EIF4G3: variants seen among roughly 807,000 people sequenced by gnomAD.
EIF4G3 encodes the protein eukaryotic translation initiation factor 4 gamma 3, also known as eIF-4-gamma 3.
A neutral mutation model predicts 186.4 loss-of-function variants in EIF4G3; 34 were observed. The ratio of observed to expected loss-of-function variants is 0.18; its 90% confidence interval spans 0.14 to 0.24. The LOEUF (loss-of-function observed/expected upper bound fraction) is 0.24. Ranked by LOEUF, EIF4G3 falls within the 10% of genes least tolerant of loss-of-function variation. The pLI is 1.00. For synonymous variants in EIF4G3, 673 were observed against 679.5 expected (o/e 0.99, Z 0.15); for missense variants, 1,536 against 1,948.5 (o/e 0.79, Z 3.99).
intron 2 of EIF4G3, among the ~76,000 whole-genome samples, chr1:21,135,820 G>GA (rs1282682830): frequency 6.6e-6 from 1 of 152,206 alleles, no homozygotes; most frequent in Non-Finnish European, 1.5e-5. Flanking sequence ...GTTATCAACA[G>GA]AAAGACTTCT....
chr1:20,840,609 T>G (rs935917), intron 30 of EIF4G3, among the ~76,000 whole-genome samples: 2 of 151,966 alleles, frequency 1.3e-5, no homozygotes, highest in African/African-American at 4.8e-5. Context: ...CTTACTTACA[T>G]CATGATAGAG....
intron 18 of EIF4G3, among the ~76,000 whole-genome samples, chr1:20,890,772 A>G (rs966110798): frequency 2.7e-5 from 4 of 148,732 alleles, no homozygotes; most frequent in Non-Finnish European, 6.1e-5. Flanking sequence ...GTTCCTTTAT[A>G]TGTTGATATT....
At chr1:20,926,029 A>G (rs2094861888) in intron 14 of EIF4G3, among the ~76,000 whole-genome samples, 1 of 152,222 alleles carries the variant, frequency 6.6e-6, no homozygotes, top group South Asian at 2.1e-4. Flanking sequence ...CTACCTGTTT[A>G]TCCAGCTGTA....
At chr1:20,981,499 TACGCAC>T (rs2077979551) in intron 8 of EIF4G3, among the ~76,000 whole-genome samples, 4 of 79,942 alleles carry the variant, frequency 5.0e-5, no homozygotes, top group Admixed American at 1.2e-4. Context: ...CATACATGTA[TACGCAC>T]ATACTGTATA....
At chr1:20,981,265 TAACACAGGGGAA>T in intron 8 of EIF4G3, 38 bp from the exon 9 acceptor site, 1 of 1,303,284 alleles carries the variant, frequency 7.7e-7, no homozygotes. Flanking sequence ...TTTTTTTTTT[TAACACAGGGGAA>T]TATATAAATT....
intron 20 of EIF4G3, among the ~76,000 whole-genome samples, chr1:20,877,431 C>T (rs1005884567): frequency 9.9e-5 from 15 of 152,170 alleles, no homozygotes; most frequent in Non-Finnish European, 7.4e-5. Context: ...TCAAGCTCAG[C>T]TTTTGGTTCA....
Position 20,942,194 on chromosome 1 carries a change from C to A in EIF4G3, c.960G>T (p.Leu320=), listed in dbSNP as rs1332903456. The part of the protein sequence containing the change: ...TAIVSIAELP[L]PPSPTTVSSV... The stretch of plus-strand genomic sequence containing the variant: ...AAGAAACAGTGGTAGGTGATGGAGG[C>A]AGAGGAAGCTCTGCTATGGATACTA... Residue 320 remains leucine (L), a synonymous_variant, in exon 14 of 37, where the codon CTG becomes CTT. Transcript: ENST00000602326. 1.2e-6 allele frequency: 2 copies of A among 1,614,162 alleles called. No homozygotes were observed. Among genetic ancestry groups the A allele is most frequent in the Non-Finnish European group, 8.5e-7 (1 of 1,180,022 alleles).
chr1:21,113,019 T>C (rs924395047), intron 2 of EIF4G3, among the ~76,000 whole-genome samples: 1 of 151,918 alleles, frequency 6.6e-6, no homozygotes, highest in Non-Finnish European at 1.5e-5. Flanking sequence ...AAGGGCTGAG[T>C]GCAGTGGCTC....
chr1:20,825,251 G>GAAAAAAAAAAAAAAAA (rs71585786), intron 32 of EIF4G3, 53 bp from the exon 33 acceptor site: 3 of 231,720 alleles, frequency 1.3e-5, no homozygotes, highest in Admixed American at 9.9e-5. Context: ...AGAAGAAACA[G>GAAAAAAAAAAAAAAAA]AAAAAAAAAA....
intron 28 of EIF4G3, among the ~76,000 whole-genome samples, chr1:20,849,960 T>G (rs1372704640): frequency 2.0e-5 from 3 of 151,890 alleles, no homozygotes; most frequent in Admixed American, 1.3e-4. Flanking sequence ...CTGTCTGGAG[T>G]GCTCTTTCCC....
intron 2 of EIF4G3, among the ~76,000 whole-genome samples, chr1:21,148,234 A>G (rs530826526): frequency 3.3e-5 from 5 of 152,104 alleles, no homozygotes; most frequent in Admixed American, 3.3e-4. Context: ...ATGCCTCACC[A>G]ATTTTTTTTC....
At chr1:20,918,295 G>C (rs933887854) in intron 14 of EIF4G3, among the ~76,000 whole-genome samples, 3 of 152,082 alleles carry the variant, frequency 2.0e-5, no homozygotes, top group African/African-American at 7.2e-5. Flanking sequence ...CTACACTCTT[G>C]AATTACCGGG....
chr1:20,940,548 G>A (rs2095675145), intron 14 of EIF4G3, among the ~76,000 whole-genome samples: 1 of 152,186 alleles, frequency 6.6e-6, no homozygotes, highest in African/African-American at 2.4e-5. Flanking sequence ...TACTGAGGAT[G>A]ATGGTGACCA....
rs557650054 is a variant in EIF4G3, at chr1:20,842,368, G to A, written c.3889-1340C>T. Among the ~76,000 whole-genome samples, 60 of 152,144 alleles carry A rather than the reference G, an allele frequency of 3.9e-4. 1 individual carries two copies. Among genetic ancestry groups the A allele is most frequent in the African/African-American group, 9.4e-4 (39 of 41,498 alleles). On this transcript the variant is annotated intron_variant, in intron 29 of 36. Transcript: ENST00000602326. The stretch of plus-strand genomic sequence containing the variant: ...ATTCAAGACAATTATCATGTAAAAT[G>A]GTTTCTTTTTTCTTTTGAGACAGAG...
At chr1:21,062,842 T>C (rs1266102980) in intron 3 of EIF4G3, among the ~76,000 whole-genome samples, 10 of 152,076 alleles carry the variant, frequency 6.6e-5, no homozygotes, top group Admixed American at 6.5e-4. Flanking sequence ...CTGCCCACCT[T>C]GGCCTCCCAA....
intron 2 of EIF4G3, among the ~76,000 whole-genome samples, chr1:21,138,199 T>A (rs2097280042): frequency 6.6e-6 from 1 of 152,218 alleles, no homozygotes; most frequent in South Asian, 2.1e-4. Context: ...GGAAACGCCA[T>A]TAACTGTATT....
intron 4 of EIF4G3, among the ~76,000 whole-genome samples, chr1:21,044,790 A>T (rs2093787614): frequency 6.6e-6 from 1 of 151,966 alleles, no homozygotes. Context: ...TGGGACTACA[A>T]GTGTGTGCCA....
At chr1:21,146,567 C>T (rs899511096) in intron 2 of EIF4G3, among the ~76,000 whole-genome samples, 11 of 151,904 alleles carry the variant, frequency 7.2e-5, no homozygotes, top group South Asian at 4.2e-4. Context: ...TCAAGACCAG[C>T]CTAGCAACAT....
chr1:20,893,786 G>A, intron 17 of EIF4G3, 150 bp from the exon 18 acceptor site: 1 of 773,328 alleles, frequency 1.3e-6, no homozygotes, highest in Non-Finnish European at 1.9e-6. Flanking sequence ...ATCCATGGCA[G>A]CTTCTCCTGG....
Sources: allele counts gnomAD v4.1 joint callset (sites outside exome capture counted in the v4.1 genomes callset), GRCh38; gene constraint gnomAD v4.1.1; transcripts MANE v1.5; gene names NCBI Gene and HGNC (gene_info 2026-07-23, HGNC 2026-07-21).